Variants in PTPRD observed in about 807,000 individuals in gnomAD.
The protein encoded by PTPRD is receptor-type tyrosine-protein phosphatase delta.
Under a neutral mutation model 214.5 loss-of-function variants are expected in PTPRD, and 34 were observed. The observed-to-expected ratio is 0.16, with a 90% confidence interval of 0.12 to 0.21. The LOEUF (loss-of-function observed/expected upper bound fraction) is 0.21. Ranked by LOEUF, PTPRD falls within the 10% of genes least tolerant of loss-of-function variation. PTPRD has a pLI of 1.00. For synonymous variants in PTPRD, 1,128 were observed against 845.7 expected (o/e 1.33, Z -5.79); for missense variants, 2,545 against 2,398.7 (o/e 1.06, Z -1.27).
chr9:10,576,259 T>C (rs1193076949), intron 2 of PTPRD, among the ~76,000 whole-genome samples: 1 of 152,132 alleles, frequency 6.6e-6, no homozygotes, highest in Non-Finnish European at 1.5e-5. Flanking sequence ...GAATTTTCAG[T>C]ATTGAGGAAA....
At chr9:10,244,261 C>A (rs2091683193) in intron 3 of PTPRD, among the ~76,000 whole-genome samples, 1 of 152,050 alleles carries the variant, frequency 6.6e-6, no homozygotes, top group South Asian at 2.1e-4. Context: ...CTTCATTGTG[C>A]TCTAATATTT....
chr9:8,761,019 T>C (rs890957298), intron 11 of PTPRD, among the ~76,000 whole-genome samples: 8 of 152,208 alleles, frequency 5.3e-5, no homozygotes, highest in Non-Finnish European at 1.2e-4. Flanking sequence ...AAAAGGTTTA[T>C]AATTTGGGGC....
At chr9:8,681,169 T>C (rs914321496) in intron 12 of PTPRD, among the ~76,000 whole-genome samples, 6 of 152,178 alleles carry the variant, frequency 3.9e-5, no homozygotes, top group Non-Finnish European at 8.8e-5. Context: ...ACAGCTTCCC[T>C]GATCAATCAT....
intron 3 of PTPRD, among the ~76,000 whole-genome samples, chr9:10,299,874 A>C (rs2154406051): frequency 6.6e-6 from 1 of 152,302 alleles, no homozygotes; most frequent in East Asian, 1.9e-4. Context: ...TAAATATATT[A>C]ATGCATAAAG....
chr9:9,888,619 T>A (rs888813126), intron 5 of PTPRD, among the ~76,000 whole-genome samples: 1 of 152,090 alleles, frequency 6.6e-6, no homozygotes, highest in African/African-American at 2.4e-5. Context: ...TTCCTTCCTG[T>A]CACAATGTGA....
chr9:9,469,262 T>A (rs1208888153), intron 8 of PTPRD, among the ~76,000 whole-genome samples: 2 of 152,154 alleles, frequency 1.3e-5, no homozygotes, highest in Non-Finnish European at 2.9e-5. Context: ...AATGCAGCTA[T>A]TAGAAAATTT....
chr9:9,865,452 C>G (rs2063733676), intron 5 of PTPRD, among the ~76,000 whole-genome samples: 1 of 152,166 alleles, frequency 6.6e-6, no homozygotes, highest in Non-Finnish European at 1.5e-5. Context: ...TAAGCGTGCT[C>G]AGCCCCTTTG....
At chr9:8,848,315 T>C (rs2570290) in intron 11 of PTPRD, among the ~76,000 whole-genome samples, 1,387 of 14,018 alleles carry the variant, frequency 0.099, 18 homozygotes, top group African/African-American at 0.37. Context: ...GATTTTTCCT[T>C]TTTTTTTTTT....
intron 4 of PTPRD, among the ~76,000 whole-genome samples, chr9:10,004,252 T>C (rs1201015636): frequency 1.3e-5 from 2 of 151,918 alleles, no homozygotes; most frequent in Non-Finnish European, 2.9e-5. Flanking sequence ...TTGTTAAGTA[T>C]ACCTGGAGAA....
chr9:8,702,823 A>G (rs1240394682), intron 12 of PTPRD, among the ~76,000 whole-genome samples: 2 of 152,122 alleles, frequency 1.3e-5, no homozygotes, highest in African/African-American at 2.4e-5. Flanking sequence ...TGGCCAGGCC[A>G]GTCTCAAACT....
chr9:10,531,869 T>C (rs1171348765), intron 2 of PTPRD, among the ~76,000 whole-genome samples: 2 of 152,190 alleles, frequency 1.3e-5, no homozygotes, highest in African/African-American at 4.8e-5. Flanking sequence ...CAGAACTAAC[T>C]ATAGTTATTG....
chr9:9,779,607 C>T (rs915330096), intron 5 of PTPRD, among the ~76,000 whole-genome samples: 4 of 152,086 alleles, frequency 2.6e-5, no homozygotes, highest in African/African-American at 9.7e-5. Context: ...ATAAAAAATG[C>T]TCAACATCAT....
chr9:9,003,631 G>T (rs758623432), intron 11 of PTPRD, among the ~76,000 whole-genome samples: 12 of 152,006 alleles, frequency 7.9e-5, no homozygotes, highest in African/African-American at 2.7e-4. Flanking sequence ...TTAGCAATAG[G>T]CAGTAAGTAG....
chr9:10,097,879 T>C (rs1418229077), intron 3 of PTPRD, among the ~76,000 whole-genome samples: 1 of 151,660 alleles, frequency 6.6e-6, no homozygotes, highest in Non-Finnish European at 1.5e-5. Flanking sequence ...GTAGGAACAC[T>C]TTCACACTGT....
At chr9:9,786,449 A>G (rs955216746) in intron 5 of PTPRD, among the ~76,000 whole-genome samples, 18 of 152,254 alleles carry the variant, frequency 1.2e-4, no homozygotes, top group African/African-American at 4.3e-4. Context: ...TAAGCATAAG[A>G]GTAAAATAAA....
chr9:8,402,253 T>C (rs2092488583), intron 36 of PTPRD, among the ~76,000 whole-genome samples: 1 of 152,178 alleles, frequency 6.6e-6, no homozygotes, highest in African/African-American at 2.4e-5. Context: ...CACAGCACTA[T>C]AAAAAGACAG....
At chr9:8,718,274 G>A (rs1035362776) in intron 12 of PTPRD, among the ~76,000 whole-genome samples, 22 of 152,144 alleles carry the variant, frequency 1.4e-4, no homozygotes, top group African/African-American at 4.1e-4. Context: ...CTGCCCAGTA[G>A]GGGTGTCAGA....
At chr9:8,630,970 T>C (rs2096234344) in intron 14 of PTPRD, among the ~76,000 whole-genome samples, 2 of 151,982 alleles carry the variant, frequency 1.3e-5, no homozygotes, top group South Asian at 4.1e-4. Flanking sequence ...ATAAGTTTTA[T>C]TTTATTGTAC....
chr9:9,626,094 C>T (rs1013953323), intron 7 of PTPRD, among the ~76,000 whole-genome samples: 8 of 152,146 alleles, frequency 5.3e-5, no homozygotes, highest in Non-Finnish European at 1.0e-4. Context: ...ATTAGGTCTA[C>T]GAGCCACAGT....
Sources: gnomAD v4.1 joint callset for allele counts (sites outside exome capture counted in the v4.1 genomes callset) on GRCh38, gnomAD v4.1.1 for gene constraint, MANE v1.5 for transcripts, NCBI Gene and HGNC (gene_info 2026-07-23, HGNC 2026-07-21) for gene names.